ROS1: variants seen among roughly 807,000 people sequenced by gnomAD.
The protein encoded by ROS1 is proto-oncogene tyrosine-protein kinase ROS.
ROS1 carries 263 observed loss-of-function variants against 273.5 expected under a neutral mutation model. The ratio of observed to expected loss-of-function variants is 0.96; its 90% CI spans 0.87 to 1.06. The LOEUF (loss-of-function observed/expected upper bound fraction) is 1.06. Among genes scored for constraint, ROS1 ranks in the 50% least tolerant of loss-of-function variants. ROS1 has a pLI of 0.00. For missense variants in ROS1, 2,833 were observed against 2,751.1 expected (o/e 1.03, Z -0.67); for synonymous variants, 1,008 against 954.1 (o/e 1.06, Z -1.04).
At chr6:117,337,978 T>G (rs537592588) in intron 31 of ROS1, among the ~76,000 whole-genome samples, 23 of 152,144 alleles carry the variant, frequency 1.5e-4, no homozygotes, top group Non-Finnish European at 2.9e-4. Flanking sequence ...AATCTTGTTT[T>G]CATTCCACTT....
chr6:117,396,024 G>C (rs1773456932), intron 9 of ROS1, among the ~76,000 whole-genome samples, 164 bp downstream of exon 9: 1 of 151,910 alleles, frequency 6.6e-6, no homozygotes, highest in South Asian at 2.1e-4. Context: ...CAAATACTTA[G>C]GTTCATTTAA....
chr6:117,393,190 G>A (rs374509009), intron 12 of ROS1, 34 bp downstream of exon 12: 3 of 1,209,736 alleles, frequency 2.5e-6, no homozygotes, highest in Non-Finnish European at 3.7e-6. Context: ...ATTCCCAATG[G>A]AAGAGAATTC....
chr6:117,349,822 C>G (rs1198303622), intron 27 of ROS1, among the ~76,000 whole-genome samples: 1 of 152,046 alleles, frequency 6.6e-6, no homozygotes, highest in Admixed American at 6.6e-5. Context: ...TCAAACAACA[C>G]TATACCACTT....
Position 117,362,763 on chromosome 6 carries a change from T to C in ROS1, c.3206A>G (p.His1069Arg). The stretch of plus-strand genomic sequence containing the variant: ...AAATTTTGTTAACACCCCATTTTCA[T>C]GCTTAGGTTTGTTCCACCTAAATTC... ...VVEFRWNKPKHENGVLTKFEI... is the reference protein window; with the variant it reads ...VVEFRWNKPKRENGVLTKFEI... The change falls in exon 22 of 44, where the codon CAT (histidine) becomes CGT (arginine). Residue 1069 changes from histidine (H) to arginine (R), a missense_variant. Coordinates refer to ENST00000368507, the MANE Select transcript of ROS1 (RefSeq NM_001378902.1). 8 of 1,613,788 alleles carry C rather than the reference T, an allele frequency of 5.0e-6. No homozygotes were observed. The highest frequency in any genetic ancestry group is 6.8e-6 in the Non-Finnish European group (8 of 1,179,750).
Position 117,389,711 on chromosome 6 carries a change from T to G in ROS1, c.1425A>C (p.Arg475=), listed in dbSNP as rs776363682. 1 of 1,614,202 alleles carries G rather than the reference T, an allele frequency of 6.2e-7. No homozygotes were observed. The highest frequency in any genetic ancestry group is 8.5e-7 in the Non-Finnish European group (1 of 1,180,036). Residue 475 remains arginine (R), a synonymous_variant, in exon 13 of 44, where the codon CGA becomes CGC. Coordinates refer to ENST00000368507, the MANE Select transcript of ROS1 (RefSeq NM_001378902.1). The part of the protein sequence containing the change: ...KDFAIKPQAK[R]IIYFNDTAQV... Reference sequence around the variant, plus strand: ...GGGCAGTGTCATTGAAGTAAATGATTCGCTTGGCTTGTGGCTTGATTGCAA... The same window carrying G: ...GGGCAGTGTCATTGAAGTAAATGATGCGCTTGGCTTGTGGCTTGATTGCAA...
At chr6:117,298,716 C>T (rs1419508589) in intron 43 of ROS1, among the ~76,000 whole-genome samples, 1 of 152,106 alleles carries the variant, frequency 6.6e-6, no homozygotes, top group Non-Finnish European at 1.5e-5. Flanking sequence ...CTAAACTTGG[C>T]AAACAAAATT....
intron 1 of ROS1, among the ~76,000 whole-genome samples, chr6:117,423,740 T>A (rs918322651): frequency 1.3e-5 from 2 of 151,878 alleles, no homozygotes; most frequent in African/African-American, 2.4e-5. Context: ...ATATCAAGAA[T>A]CACCCAATAA....
intron 26 of ROS1, among the ~76,000 whole-genome samples, chr6:117,354,520 A>G (rs904428484): frequency 6.6e-6 from 1 of 152,226 alleles, no homozygotes; most frequent in Non-Finnish European, 1.5e-5. Context: ...GAAAAAAACT[A>G]ATATTCATAA....
At chr6:117,293,152 A>C (rs1322729636) in intron 43 of ROS1, among the ~76,000 whole-genome samples, 1 of 151,804 alleles carries the variant, frequency 6.6e-6, no homozygotes, top group Non-Finnish European at 1.5e-5. Flanking sequence ...GTTTTTCTTG[A>C]CTCTCCCTCT....
At position 117,389,761 on chromosome 6, in the gene ROS1, C is replaced by T; in HGVS notation, c.1375G>A (p.Val459Met). 1 of 1,614,186 alleles carries T rather than the reference C, an allele frequency of 6.2e-7. No individual in the cohort carries two copies. The highest frequency in any genetic ancestry group is 2.2e-5 in the East Asian group (1 of 44,876). The change falls in exon 13 of 44, where the codon GTG (valine) becomes ATG (methionine). Residue 459 changes from valine (V) to methionine (M), a missense_variant. Physicochemically the swap from Val to Met is conservative, Grantham distance 21. Transcript: ENST00000368507. ...SGRCAEAVRI[V>M]ESCTLKDFAI... ...AAGTCCTTTAACGTGCAACTCTCCA[C>T]AATACGCACAGCTTCTGCACACCGG...
chr6:117,304,896 C>T (rs1389241483), intron 42 of ROS1, among the ~76,000 whole-genome samples: 1 of 151,974 alleles, frequency 6.6e-6, no homozygotes, highest in African/African-American at 2.4e-5. Flanking sequence ...AAGTGTAGCA[C>T]CTCCTTGTTT....
intron 5 of ROS1, among the ~76,000 whole-genome samples, chr6:117,405,278 A>G (rs986293641): frequency 6.6e-6 from 1 of 152,342 alleles, no homozygotes; most frequent in South Asian, 2.1e-4. Context: ...GACACGGACC[A>G]AATAAAGTCT....
rs140225523 is a variant in ROS1 at position 117,335,417 on chromosome 6, G to A, written c.5230+1755C>T. ...TAAAGTAAATTATTTCAACCATTGTGGAAGACAGTATGGCAATTCCTCAAG... is the reference window on the plus strand; with the variant it reads ...TAAAGTAAATTATTTCAACCATTGTAGAAGACAGTATGGCAATTCCTCAAG... On this transcript the variant is annotated intron_variant, in intron 32 of 43. Coordinates refer to ENST00000368507, the MANE Select transcript of ROS1 (RefSeq NM_001378902.1). 9.5e-4 allele frequency among the ~76,000 whole-genome samples: 145 copies of A among 152,200 alleles called. 2 individuals carry two copies. Among genetic ancestry groups the A allele is most frequent in the African/African-American group, 3.3e-3 (137 of 41,556 alleles).
chr6:117,389,833 G>A lies in ROS1; in HGVS notation c.1303C>T (p.Leu435Phe), dbSNP rs1270487763. 6.2e-7 allele frequency: 1 copy of A among 1,605,082 alleles called. No homozygotes were observed. Among genetic ancestry groups the A allele is most frequent in the Non-Finnish European group, 8.5e-7 (1 of 1,172,854 alleles). The stretch of plus-strand genomic sequence containing the variant: ...GCTCTATAAATGCCATCTCTCAGGA[G>A]GTAAAAGACATACCTGACACAGGAA... ...ADSYNGYVFYLLRDGIYRADL... is the reference protein window; with the variant it reads ...ADSYNGYVFYFLRDGIYRADL... The change falls in exon 13 of 44, where the codon CTC (leucine) becomes TTC (phenylalanine). Residue 435 changes from leucine to phenylalanine, a missense_variant. Transcript: ENST00000368507.
chr6:117,341,569 C>T lies in ROS1; in HGVS notation c.4715G>A (p.Trp1572Ter), dbSNP rs759890825. Residue 1572 changes from tryptophan to a stop codon, truncating the protein, a stop_gained, in exon 30 of 44, where the codon TGG becomes TAG. Coordinates refer to ENST00000368507, the MANE Select transcript of ROS1 (RefSeq NM_001378902.1). LOFTEE classifies it high-confidence loss of function. ...TCCATTTGGCTTGTGAGATTCTCTCCAAGATATAATGAGGCTGGTGTCTGA... is the reference window on the plus strand; with the variant it reads ...TCCATTTGGCTTGTGAGATTCTCTCTAAGATATAATGAGGCTGGTGTCTGA... ...VRSDTSLIISWRESHKPNGPK... is the reference protein window; with the variant it reads ...VRSDTSLIIS The T allele has an allele frequency of 6.2e-7, 1 of 1,613,674 alleles. No individual in the cohort carries two copies. Among genetic ancestry groups the T allele is most frequent in the Non-Finnish European group, 8.5e-7 (1 of 1,179,748 alleles).
In ROS1 at chr6:117,288,822, G is replaced by A. The variant is rs1394820419; in HGVS notation, c.6716-20C>T. 6.4e-7 allele frequency: 1 copy of A among 1,552,694 alleles called. No homozygotes were observed. The highest frequency in any genetic ancestry group is 8.7e-7 in the Non-Finnish European group (1 of 1,146,368). On this transcript the variant is annotated intron_variant, in intron 43 of 43. Transcript: ENST00000368507. The stretch of plus-strand genomic sequence containing the variant: ...CTTCACCTGTGAAAAAAATATGAAT[G>A]TTATTCTAGCATGTATTTAATTATT...
chr6:117,412,635 T>TAC (rs1775014243), intron 4 of ROS1, among the ~76,000 whole-genome samples: 1 of 145,872 alleles, frequency 6.9e-6, no homozygotes, highest in Admixed American at 6.8e-5. Context: ...TAGATAGATA[T>TAC]ACACATAGCA....
rs550195075 is a variant in ROS1, at chr6:117,353,714, G to A, written c.4127-548C>T. On this transcript the variant is annotated intron_variant, in intron 26 of 43. Coordinates refer to ENST00000368507, the MANE Select transcript of ROS1 (RefSeq NM_001378902.1). ...CAGGAAATTGATTCAAATTTGATAC[G>A]AACAAATGTAAAATCCTAAATTTAA... Among the ~76,000 whole-genome samples the A allele has an allele frequency of 8.5e-5, 13 of 152,248 alleles. No individual in the cohort carries two copies. In the South Asian group the frequency reaches 1.5e-3, roughly 17 times the overall value.
chr6:117,294,227 A>G (rs1296968373), intron 43 of ROS1, among the ~76,000 whole-genome samples: 2 of 152,126 alleles, frequency 1.3e-5, no homozygotes, highest in Non-Finnish European at 2.9e-5. Context: ...AGTTGAAAAC[A>G]TTTTCTCTAA....
Sources: gnomAD v4.1 joint callset for allele counts (sites outside exome capture counted in the v4.1 genomes callset) on GRCh38, gnomAD v4.1.1 for gene constraint, MANE v1.5 for transcripts, NCBI Gene and HGNC (gene_info 2026-07-23, HGNC 2026-07-21) for gene names.